The following TP73 variants were observed in gnomAD, a reference collection of about 807,000 sequenced individuals.
TP73 encodes tumor protein p73, also known as p53-like transcription factor.
A neutral mutation model predicts 62.5 loss-of-function variants in TP73; 25 were observed. The ratio of observed to expected loss-of-function variants is 0.40; its 90% CI spans 0.29 to 0.56. The LOEUF is 0.56. Ranked by LOEUF, TP73 falls within the 20% of genes least tolerant of loss-of-function variation. The pLI is 0.46. For synonymous variants in TP73, 423 were observed against 377.5 expected (o/e 1.12, Z -1.40); for missense variants, 754 against 913.3 (o/e 0.83, Z 2.25).
At chr1:3,702,543 T>C (rs1639258376) in intron 3 of TP73, among the ~76,000 whole-genome samples, 1 of 152,074 alleles carries the variant, frequency 6.6e-6, no homozygotes, top group African/African-American at 2.4e-5. Flanking sequence ...CCCCAACCCA[T>C]CCGCAGGGAG....
intron 1 of TP73, among the ~76,000 whole-genome samples, chr1:3,653,646 G>A (rs1490316050): frequency 1.3e-5 from 2 of 152,158 alleles, no homozygotes; most frequent in Admixed American, 6.5e-5. Context: ...ACAATGCTTT[G>A]GTTTTTGTTG....
At chr1:3,726,391 G>GC (rs1486849044) in intron 6 of TP73, among the ~76,000 whole-genome samples, 2 of 107,898 alleles carry the variant, frequency 1.9e-5, no homozygotes, top group East Asian at 3.1e-4. Flanking sequence ...TAATAAATGG[G>GC]GGAGTGGATG....
At chr1:3,656,787 C>T (rs938528819) in intron 1 of TP73, among the ~76,000 whole-genome samples, 6 of 152,206 alleles carry the variant, frequency 3.9e-5, no homozygotes, top group East Asian at 3.9e-4. Flanking sequence ...GGTAGAGAGT[C>T]CAGGGTGCTG....
intron 1 of TP73, among the ~76,000 whole-genome samples, chr1:3,673,948 G>A (rs1195354227): frequency 6.6e-6 from 1 of 152,198 alleles, no homozygotes; most frequent in Non-Finnish European, 1.5e-5. Flanking sequence ...GGTCAGGCCA[G>A]GGTAGAGCCA....
At chr1:3,710,241 G>A (rs892233757) in intron 4 of TP73, among the ~76,000 whole-genome samples, 2 of 151,980 alleles carry the variant, frequency 1.3e-5, no homozygotes, top group Non-Finnish European at 2.9e-5. Flanking sequence ...GGAAAATGCT[G>A]TCGCCTGCAC....
chr1:3,655,836 C>A (rs1371449389), intron 1 of TP73, among the ~76,000 whole-genome samples: 1 of 152,074 alleles, frequency 6.6e-6, no homozygotes, highest in Admixed American at 6.5e-5. Flanking sequence ...CAGGATGCCT[C>A]GAAAATCCTT....
At chr1:3,686,792 A>T (rs561605058) in intron 3 of TP73, among the ~76,000 whole-genome samples, 138 of 152,230 alleles carry the variant, frequency 9.1e-4, no homozygotes, top group Admixed American at 4.4e-3. Context: ...TGAGCTCAGG[A>T]CCTACCCCTT....
chr1:3,656,174 C>CA (rs1364612534), intron 1 of TP73, among the ~76,000 whole-genome samples: 6,503 of 103,198 alleles, frequency 0.063, 394 homozygotes, highest in African/African-American at 0.17. Flanking sequence ...GACTACGTCT[C>CA]AAAAAAAAAA....
At chr1:3,689,582 C>T (rs1466107853) in intron 3 of TP73, among the ~76,000 whole-genome samples, 5 of 151,994 alleles carry the variant, frequency 3.3e-5, no homozygotes, top group African/African-American at 7.3e-5. Flanking sequence ...CAGCTCTGCC[C>T]GCTCTCCCGG....
chr1:3,675,489 G>A (rs1394854322), intron 1 of TP73, among the ~76,000 whole-genome samples: 2 of 152,144 alleles, frequency 1.3e-5, no homozygotes, highest in African/African-American at 4.8e-5. Context: ...AGTTCCTGGG[G>A]GCTTTTCCCT....
chr1:3,676,168 G>T (rs1169689615), intron 1 of TP73, among the ~76,000 whole-genome samples: 2 of 151,148 alleles, frequency 1.3e-5, no homozygotes, highest in Non-Finnish European at 3.0e-5. Flanking sequence ...ACGGGGACAG[G>T]GAGGGGACAC....
Position 3,727,250 on chromosome 1 carries a change from G to A in TP73, c.842+26G>A, listed in dbSNP as rs756621873. The A allele has an allele frequency of 3.7e-6, 6 of 1,601,992 alleles. No individual in the cohort carries two copies. The African/African-American group carries it at 5.4e-5, about 14-fold the overall frequency. On this transcript the variant is annotated intron_variant, in intron 7 of 13. Coordinates refer to ENST00000378295, the MANE Select transcript of TP73 (RefSeq NM_005427.4). Reference sequence around the variant, plus strand: ...GTGAGTCCCGGGCACACGGGGTGGAGGTGGGACAGGGCTGGGCAGGCACGG... The same window carrying A: ...GTGAGTCCCGGGCACACGGGGTGGAAGTGGGACAGGGCTGGGCAGGCACGG...
At chr1:3,656,945 C>T (rs995796245) in intron 1 of TP73, among the ~76,000 whole-genome samples, 4 of 152,190 alleles carry the variant, frequency 2.6e-5, no homozygotes, top group Admixed American at 6.5e-5. Flanking sequence ...TCATGGTGTC[C>T]GGTAATAGCT....
intron 1 of TP73, among the ~76,000 whole-genome samples, chr1:3,657,857 C>T (rs533689334): frequency 6.6e-6 from 1 of 152,362 alleles, no homozygotes; most frequent in East Asian, 1.9e-4. Flanking sequence ...CCAGCAGCTC[C>T]TCTACCTGGG....
At chr1:3,665,809 C>T (rs1274896315) in intron 1 of TP73, among the ~76,000 whole-genome samples, 40 of 142,426 alleles carry the variant, frequency 2.8e-4, no homozygotes, top group African/African-American at 1.0e-3. Flanking sequence ...CATGAACCAC[C>T]GTGCCCGGCC....
At position 3,729,612 on chromosome 1, in the gene TP73, C is replaced by G. The variant is rs760206932; in HGVS notation, c.1196+164C>G. On this transcript the variant is annotated intron_variant, in intron 10 of 13. Transcript: ENST00000378295. ...ACCCCACATCTCCTCCTCCAGGAAG[C>G]CTTCTAGCACTTGGGGCTGCCCTGG... The G allele has an allele frequency of 1.1e-5, 15 of 1,318,056 alleles. No individual in the cohort carries two copies. The Admixed American group carries it at 2.6e-4, about 23-fold the overall frequency. The allele number at this position is 1,318,056 out of a possible 1,614,324, so 81.6% of individuals were successfully genotyped here. A position where few individuals can be genotyped will look rare whatever the true frequency, so the allele number is the denominator to read the frequency against.
chr1:3,690,106 C>A (rs1645773087), intron 3 of TP73, among the ~76,000 whole-genome samples: 1 of 152,154 alleles, frequency 6.6e-6, no homozygotes. Flanking sequence ...TTCCTGGGGG[C>A]TTGGCCAGTG....
intron 4 of TP73, among the ~76,000 whole-genome samples, chr1:3,718,704 T>C (rs1235857451): frequency 6.6e-6 from 1 of 152,152 alleles, no homozygotes; most frequent in East Asian, 1.9e-4. Context: ...TGTGTCCAAC[T>C]GGCTGAGGAG....
At chr1:3,669,684 C>A (rs1043683759) in intron 1 of TP73, among the ~76,000 whole-genome samples, 1 of 152,244 alleles carries the variant, frequency 6.6e-6, no homozygotes, top group Non-Finnish European at 1.5e-5. Flanking sequence ...CCCCGGCACT[C>A]ACGCAGCTAC....
Sources: gnomAD v4.1 joint callset for allele counts (sites outside exome capture counted in the v4.1 genomes callset) on GRCh38, gnomAD v4.1.1 for gene constraint, MANE v1.5 for transcripts, NCBI Gene and HGNC (gene_info 2026-07-23, HGNC 2026-07-21) for gene names.